WWOX: variants seen among roughly 807,000 people sequenced by gnomAD.
WWOX encodes the protein WW domain containing oxidoreductase.
A neutral mutation model predicts 46.2 loss-of-function variants in WWOX; 69 were observed. The ratio of observed to expected loss-of-function variants is 1.49; its 90% CI spans 1.23 to 1.82. The LOEUF (loss-of-function observed/expected upper bound fraction) is 1.82, where lower values mean the gene tolerates loss of function less well. WWOX is among the 40% of genes most tolerant of loss of function. WWOX has a pLI of 0.00. For missense variants in WWOX, 919 were observed against 542.6 expected (o/e 1.69, Z -6.89); for synonymous variants, 359 against 202.6 (o/e 1.77, Z -6.56).
At chr16:78,394,830 C>G (rs1341897655) in intron 6 of WWOX, among the ~76,000 whole-genome samples, 1 of 152,224 alleles carries the variant, frequency 6.6e-6, no homozygotes, top group African/African-American at 2.4e-5. Context: ...GGGCAACAAC[C>G]TGTATGCCCT....
At chr16:78,326,672 A>C (rs1415570514) in intron 5 of WWOX, among the ~76,000 whole-genome samples, 2 of 148,364 alleles carry the variant, frequency 1.3e-5, no homozygotes, top group East Asian at 4.0e-4. Context: ...CATATGTTTA[A>C]TTTATAATTT....
intron 8 of WWOX, among the ~76,000 whole-genome samples, chr16:79,116,236 T>G (rs1370295535): frequency 6.6e-6 from 1 of 152,172 alleles, no homozygotes; most frequent in African/African-American, 2.4e-5. Context: ...GCTGTGGCAA[T>G]TTCTTAAAAT....
intron 5 of WWOX, among the ~76,000 whole-genome samples, chr16:78,204,104 G>C (rs147443107): frequency 2.0e-5 from 3 of 152,238 alleles, no homozygotes; most frequent in African/African-American, 7.2e-5. Flanking sequence ...AGACGGGACA[G>C]TTTGTACTAC....
intron 8 of WWOX, among the ~76,000 whole-genome samples, chr16:78,694,014 G>C (rs544451227): frequency 6.6e-6 from 1 of 151,998 alleles, no homozygotes; most frequent in African/African-American, 2.4e-5. Flanking sequence ...AGGTGGATCG[G>C]TTGAGGTCAG....
intron 5 of WWOX, among the ~76,000 whole-genome samples, chr16:78,381,956 T>A (rs761142915): frequency 6.6e-6 from 1 of 152,160 alleles, no homozygotes; most frequent in African/African-American, 2.4e-5. Flanking sequence ...GCCTCGACTT[T>A]CCAGGTTCAA....
chr16:78,519,366 T>G (rs527911174), intron 8 of WWOX, among the ~76,000 whole-genome samples: 2 of 152,264 alleles, frequency 1.3e-5, no homozygotes, highest in East Asian at 3.9e-4. Context: ...TTTGATCACA[T>G]TTTGGCTTAG....
At chr16:78,542,239 C>T (rs182730598) in intron 8 of WWOX, among the ~76,000 whole-genome samples, 14 of 152,082 alleles carry the variant, frequency 9.2e-5, no homozygotes, top group African/African-American at 2.7e-4. Context: ...GATGAACCTA[C>T]GTAATGATCT....
intron 8 of WWOX, among the ~76,000 whole-genome samples, chr16:78,732,089 C>T (rs2048983665): frequency 6.6e-6 from 1 of 152,068 alleles, no homozygotes; most frequent in Non-Finnish European, 1.5e-5. Flanking sequence ...GTCTCAAACT[C>T]ATGCCCTCAA....
At chr16:79,067,472 T>G (rs1444475121) in intron 8 of WWOX, among the ~76,000 whole-genome samples, 1 of 152,144 alleles carries the variant, frequency 6.6e-6, no homozygotes, top group African/African-American at 2.4e-5. Flanking sequence ...GATGCTCTTC[T>G]CGGCTCCTGT....
intron 5 of WWOX, among the ~76,000 whole-genome samples, chr16:78,351,914 C>A (rs932704105): frequency 6.6e-6 from 1 of 152,198 alleles, no homozygotes; most frequent in Non-Finnish European, 1.5e-5. Context: ...CCCTCAGCCT[C>A]CCAAAGTGCT....
intron 8 of WWOX, among the ~76,000 whole-genome samples, chr16:78,764,775 C>T (rs891964217): frequency 1.3e-5 from 2 of 151,626 alleles, no homozygotes; most frequent in Admixed American, 1.3e-4. Flanking sequence ...AAGTTTCTAG[C>T]ACAGTGTCTT....
chr16:78,232,776 C>T (rs1160752228), intron 5 of WWOX, among the ~76,000 whole-genome samples: 1 of 152,120 alleles, frequency 6.6e-6, no homozygotes, highest in African/African-American at 2.4e-5. Context: ...GTGATTCTTA[C>T]TGGTCTATTA....
At chr16:79,030,153 A>G (rs2047724626) in intron 8 of WWOX, among the ~76,000 whole-genome samples, 1 of 152,234 alleles carries the variant, frequency 6.6e-6, no homozygotes, top group African/African-American at 2.4e-5. Flanking sequence ...TAAGTAATGA[A>G]GTCTAATTTT....
chr16:78,779,829 G>A (rs999864075), intron 8 of WWOX, among the ~76,000 whole-genome samples: 37 of 152,160 alleles, frequency 2.4e-4, no homozygotes, highest in African/African-American at 8.4e-4. Flanking sequence ...CCCAAGGAAG[G>A]AAAGGGGAAG....
intron 8 of WWOX, among the ~76,000 whole-genome samples, chr16:78,911,520 G>T (rs1567643396): frequency 6.6e-6 from 1 of 151,930 alleles, no homozygotes; most frequent in Non-Finnish European, 1.5e-5. Context: ...AATTCTTTTG[G>T]TAATTGAATG....
chr16:78,835,468 C>T (rs192273946), intron 8 of WWOX, among the ~76,000 whole-genome samples: 3 of 152,278 alleles, frequency 2.0e-5, no homozygotes, highest in Admixed American at 1.3e-4. Context: ...GTTAGTAGAG[C>T]AGTTGTGTGT....
At chr16:78,944,502 A>G (rs547579005) in intron 8 of WWOX, among the ~76,000 whole-genome samples, 2 of 152,346 alleles carry the variant, frequency 1.3e-5, no homozygotes, top group East Asian at 1.9e-4. Context: ...TCAAGATACA[A>G]CAACATTTAT....
intron 5 of WWOX, among the ~76,000 whole-genome samples, chr16:78,269,849 T>A (rs1408556963): frequency 1.3e-5 from 2 of 151,976 alleles, no homozygotes; most frequent in East Asian, 1.9e-4. Context: ...AGTGGCTAAT[T>A]TGAAAAATGT....
At chr16:78,456,314 T>C (rs1186860317) in intron 8 of WWOX, among the ~76,000 whole-genome samples, 1 of 152,102 alleles carries the variant, frequency 6.6e-6, no homozygotes, top group Non-Finnish European at 1.5e-5. Context: ...GTGAATAGTG[T>C]TGGGGGCTGA....
Sources: gnomAD v4.1 joint callset for allele counts (sites outside exome capture counted in the v4.1 genomes callset) on GRCh38, gnomAD v4.1.1 for gene constraint, MANE v1.5 for transcripts, NCBI Gene and HGNC (gene_info 2026-07-23, HGNC 2026-07-21) for gene names.